Variants in ANKRD28 observed in about 807,000 individuals in gnomAD.
The protein encoded by ANKRD28 is ankyrin repeat domain 28.
Under a neutral mutation model 126.5 loss-of-function variants are expected in ANKRD28, and 44 were observed. The ratio of observed to expected loss-of-function variants is 0.35; its 90% CI spans 0.27 to 0.45. ANKRD28 has a LOEUF of 0.45. ANKRD28 is among the 20% of genes least tolerant of loss of function. The pLI is 1.00. For synonymous variants in ANKRD28, 442 were observed against 468.5 expected (o/e 0.94, Z 0.73); for missense variants, 1,110 against 1,316.6 (o/e 0.84, Z 2.43).
intron 3 of ANKRD28, among the ~76,000 whole-genome samples, chr3:15,757,377 A>C (rs1040968381): frequency 6.6e-6 from 1 of 152,182 alleles, no homozygotes; most frequent in Non-Finnish European, 1.5e-5. Flanking sequence ...CATTGTGCTA[A>C]ATCATCCTTA....
intron 2 of ANKRD28, among the ~76,000 whole-genome samples, chr3:15,788,869 G>A (rs2125760452): frequency 6.6e-6 from 1 of 152,084 alleles, no homozygotes; most frequent in East Asian, 1.9e-4. Context: ...GGGAAAGACT[G>A]TGAAGATCAT....
chr3:15,692,182 T>A (rs1056551692), intron 17 of ANKRD28, among the ~76,000 whole-genome samples: 1 of 147,192 alleles, frequency 6.8e-6, no homozygotes, highest in African/African-American at 2.5e-5. Flanking sequence ...TTGGGCATGG[T>A]CACTCACACC....
chr3:15,840,402 GGAAAGATACT>G (rs1447922351), intron 1 of ANKRD28, among the ~76,000 whole-genome samples: 1 of 152,036 alleles, frequency 6.6e-6, no homozygotes, highest in Non-Finnish European at 1.5e-5. Flanking sequence ...CACAAAAAAT[GGAAAGATACT>G]CCATGTTCAT....
intron 2 of ANKRD28, among the ~76,000 whole-genome samples, chr3:15,789,468 T>C (rs1228729152): frequency 2.0e-5 from 3 of 151,536 alleles, no homozygotes; most frequent in East Asian, 3.9e-4. Context: ...GAAAAGAAAA[T>C]GTACAGGAGA....
chr3:15,797,042 A>C lies in ANKRD28; in HGVS notation c.-521T>G. On this transcript the variant is annotated 5_prime_UTR_variant, in exon 1 of 28. Transcript: ENST00000683139. ...CTTATAATTGAAAATAAAAAATAAAATCTCACTATTCTGTTTCCACTTCTA... is the reference window on the plus strand; with the variant it reads ...CTTATAATTGAAAATAAAAAATAAACTCTCACTATTCTGTTTCCACTTCTA... 1.0e-6 allele frequency: 1 copy of C among 985,212 alleles called. No individual in the cohort carries two copies. The highest frequency in any genetic ancestry group is 1.2e-6 in the Non-Finnish European group (1 of 829,826). 61.0% of individuals were successfully genotyped at this position (985,212 alleles called of 1,614,324 possible).
chr3:15,823,889 T>A (rs2061000544), intron 1 of ANKRD28, among the ~76,000 whole-genome samples: 1 of 152,154 alleles, frequency 6.6e-6, no homozygotes, highest in Non-Finnish European at 1.5e-5. Flanking sequence ...ACACTCAACA[T>A]CATAGAAGGG....
At chr3:15,706,250 C>T (rs2071374832) in intron 14 of ANKRD28, among the ~76,000 whole-genome samples, 1 of 152,046 alleles carries the variant, frequency 6.6e-6, no homozygotes, top group East Asian at 1.9e-4. Flanking sequence ...TCCTCCCCAC[C>T]CCATGACAGG....
intron 14 of ANKRD28, among the ~76,000 whole-genome samples, chr3:15,696,568 T>C (rs1301540600): frequency 1.3e-5 from 2 of 152,076 alleles, no homozygotes; most frequent in South Asian, 2.1e-4. Flanking sequence ...CAATGTTGGA[T>C]AGGATTAAAC....
chr3:15,799,015 G>T (rs891359925), upstream of ANKRD28, among the ~76,000 whole-genome samples: 1 of 151,976 alleles, frequency 6.6e-6, no homozygotes, highest in African/African-American at 2.4e-5. Flanking sequence ...ACTCAGAAAT[G>T]ATGTATTTTA....
At chr3:15,782,671 T>C (rs1209551477) in intron 2 of ANKRD28, among the ~76,000 whole-genome samples, 1 of 152,082 alleles carries the variant, frequency 6.6e-6, no homozygotes, top group Admixed American at 6.6e-5. Flanking sequence ...TAGTTGTCTG[T>C]TCTGTGTATG....
intron 13 of ANKRD28, among the ~76,000 whole-genome samples, 188 bp downstream of exon 13, chr3:15,709,480 G>A (rs1169015233): frequency 1.3e-5 from 2 of 152,148 alleles, no homozygotes; most frequent in African/African-American, 2.4e-5. Flanking sequence ...CTGTGGTAGG[G>A]ACTCAAGAAG....
chr3:15,679,366 A>T lies in ANKRD28; in HGVS notation c.2496T>A (p.Gly832=). 1 of 1,613,970 alleles carries T rather than the reference A, an allele frequency of 6.2e-7. No homozygotes were observed. Among genetic ancestry groups the T allele is most frequent in the Non-Finnish European group, 8.5e-7 (1 of 1,179,862 alleles). ...LHCAVINDNE[G]AAEMLIDTLG... is the part of the protein sequence containing the mutation. ...ATGTATCAATTAACATCTCAGCAGC[A>T]CCTTCGTTGTCATTTATCCTGTGTA... The change falls in exon 23 of 28, where the codon GGT becomes GGA. Residue 832 remains glycine (G), a synonymous_variant. Coordinates refer to ENST00000683139, the MANE Select transcript of ANKRD28 (RefSeq NM_001349278.2).
intron 5 of ANKRD28, among the ~76,000 whole-genome samples, chr3:15,736,064 T>A (rs1342714130): frequency 6.6e-6 from 1 of 152,200 alleles, no homozygotes; most frequent in African/African-American, 2.4e-5. Flanking sequence ...CAAGGATTCT[T>A]TACACTGGAA....
intron 2 of ANKRD28, among the ~76,000 whole-genome samples, chr3:15,778,418 C>T (rs761032446): frequency 3.2e-4 from 49 of 152,076 alleles, no homozygotes; most frequent in Admixed American, 9.2e-4. Flanking sequence ...AGAGACCTGA[C>T]TAAAGGAAAA....
In ANKRD28 at chr3:15,669,648, G is replaced by A. The variant is rs564065565; in HGVS notation, c.*622C>T. The stretch of plus-strand genomic sequence containing the variant: ...CTGCTTTCTCTCATGGTTTAATACA[G>A]CATTGGAAGGCTTTCAGATGTTTTC... On this transcript the variant is annotated 3_prime_UTR_variant, in exon 28 of 28. Transcript: ENST00000683139. 1 of 152,020 alleles carries A rather than the reference G, an allele frequency of 6.6e-6. No individual in the cohort carries two copies. The highest frequency in any genetic ancestry group is 6.6e-5 in the Admixed American group (1 of 15,246). The allele number at this position is 152,020 out of a possible 1,614,324, so 9.4% of individuals were successfully genotyped here. A position where few individuals can be genotyped will look rare whatever the true frequency, so the allele number is the denominator to read the frequency against.
intron 3 of ANKRD28, among the ~76,000 whole-genome samples, chr3:15,764,434 C>T (rs1027062262): frequency 9.2e-5 from 14 of 151,906 alleles, no homozygotes; most frequent in African/African-American, 3.4e-4. Context: ...AGTCAACCTT[C>T]TACAAGTAAC....
rs2071689912 is a variant in ANKRD28 at position 15,708,012 on chromosome 3, G to C, written c.1459C>G (p.Leu487Val). ...TTCACACTTGCTCCTGATCCCACAA[G>C]AGCAAACAGGCACTGGTAATTGCAG... ...ANCNYQCLFA[L>V]VGSGASVNDL... Residue 487 changes from leucine (L) to valine (V), a missense_variant, in exon 14 of 28, where the codon CTT becomes GTT. Transcript: ENST00000683139. The C allele has an allele frequency of 6.2e-7, 1 of 1,610,926 alleles. No homozygotes were observed.
rs776159916 is a variant in ANKRD28 at position 15,795,280 on chromosome 3, G to A, written c.144C>T (p.Asn48=). 2.1e-5 allele frequency: 34 copies of A among 1,612,260 alleles called. No individual in the cohort carries two copies. The East Asian group carries it at 2.2e-4, about 11-fold the overall frequency. The part of the protein sequence containing the change: ...VLPSLVQAIF[N]GDPDEVRALI... ...GTGCTCGAACTTCATCAGGATCTCCGTTAAATATAGCTTGCACCAGTGATG... is the reference window on the plus strand; with the variant it reads ...GTGCTCGAACTTCATCAGGATCTCCATTAAATATAGCTTGCACCAGTGATG... Residue 48 remains asparagine (N), a synonymous_variant, in exon 2 of 28, where the codon AAC becomes AAT. Transcript: ENST00000683139.
chr3:15,686,249 G>A lies in ANKRD28; in HGVS notation c.2024C>T (p.Ala675Val). ...LLIGNAEPQN[A>V]VDIQDGNGQT... ...TCCATTTCCATCTTGAATATCCACT[G>A]CATTCTGTGGTTCTGCATTTCCTAT... The change falls in exon 19 of 28, where the codon GCA (alanine) becomes GTA (valine). Residue 675 changes from alanine (A) to valine (V), a missense_variant. Physicochemically the swap from Ala to Val is moderately conservative, Grantham distance 64. Transcript: ENST00000683139. 6.3e-7 allele frequency: 1 copy of A among 1,593,622 alleles called. No homozygotes were observed.
Sources: allele counts gnomAD v4.1 joint callset (sites outside exome capture counted in the v4.1 genomes callset), GRCh38; gene constraint gnomAD v4.1.1; transcripts MANE v1.5; gene names NCBI Gene and HGNC (gene_info 2026-07-23, HGNC 2026-07-21).